The following TTC28 variants were observed in gnomAD, a reference collection of about 807,000 sequenced individuals.
The protein encoded by TTC28 is tetratricopeptide repeat domain 28.
TTC28 carries 61 observed loss-of-function variants against 198.0 expected under a neutral mutation model. The ratio of observed to expected loss-of-function variants is 0.31; its 90% CI spans 0.25 to 0.38. The LOEUF is 0.38. TTC28 is among the 10% of genes least tolerant of loss of function. TTC28 has a pLI of 1.00. For missense variants in TTC28, 2,678 were observed against 3,164.0 expected (o/e 0.85, Z 3.69); for synonymous variants, 1,171 against 1,297.8 (o/e 0.90, Z 2.10).
intron 2 of TTC28, among the ~76,000 whole-genome samples, chr22:28,336,698 T>C (rs1053990087): frequency 6.6e-6 from 1 of 152,192 alleles, no homozygotes; most frequent in African/African-American, 2.4e-5. Context: ...CGCTTTATCA[T>C]TTTTTATTGC....
chr22:28,097,490 C>T (rs1942013035), intron 10 of TTC28, among the ~76,000 whole-genome samples: 1 of 152,188 alleles, frequency 6.6e-6, no homozygotes, highest in South Asian at 2.1e-4. Context: ...CTTTTCCCAT[C>T]TTTTAATCGA....
chr22:28,251,488 A>C (rs1930504555), intron 5 of TTC28, among the ~76,000 whole-genome samples: 1 of 152,210 alleles, frequency 6.6e-6, no homozygotes, highest in Non-Finnish European at 1.5e-5. Context: ...CAGGTTCAGA[A>C]GTACAGCTAC....
chr22:28,025,866 T>A (rs1938810919), intron 13 of TTC28, among the ~76,000 whole-genome samples: 1 of 151,916 alleles, frequency 6.6e-6, no homozygotes, highest in South Asian at 2.1e-4. Context: ...TGTGACTCTG[T>A]CTCTAAACAA....
intron 2 of TTC28, among the ~76,000 whole-genome samples, chr22:28,593,051 G>A (rs1569046399): frequency 6.6e-6 from 1 of 151,876 alleles, no homozygotes; most frequent in Non-Finnish European, 1.5e-5. Context: ...GAAGGTGGCT[G>A]GAGGCAGGGA....
chr22:27,999,559 C>A, intron 15 of TTC28: 1 of 366,124 alleles, frequency 2.7e-6, no homozygotes, highest in Non-Finnish European at 5.0e-6. Context: ...GGCCGTGGAA[C>A]CCAGGACAGC....
chr22:28,587,848 T>C (rs1381822148), intron 2 of TTC28, among the ~76,000 whole-genome samples: 1 of 152,118 alleles, frequency 6.6e-6, no homozygotes, highest in Non-Finnish European at 1.5e-5. Context: ...TATAAAAACA[T>C]GCTGTTATTA....
chr22:28,218,450 T>G (rs1166839854), intron 5 of TTC28, among the ~76,000 whole-genome samples: 1 of 152,204 alleles, frequency 6.6e-6, no homozygotes, highest in Non-Finnish European at 1.5e-5. Flanking sequence ...CAGCAAATAC[T>G]GTTTTCCTTG....
chr22:28,631,540 T>C (rs1459604695), intron 1 of TTC28, among the ~76,000 whole-genome samples: 3 of 152,164 alleles, frequency 2.0e-5, no homozygotes, highest in Non-Finnish European at 2.9e-5. Flanking sequence ...GTGGGTTTTT[T>C]TGAGACAGGG....
intron 2 of TTC28, among the ~76,000 whole-genome samples, chr22:28,430,934 T>A (rs926746438): frequency 7.2e-5 from 11 of 151,858 alleles, no homozygotes; most frequent in Admixed American, 2.6e-4. Flanking sequence ...CCTCTTCTTG[T>A]TGCCTAGAAT....
At chr22:28,591,076 T>G (rs1463091307) in intron 2 of TTC28, among the ~76,000 whole-genome samples, 1 of 114,184 alleles carries the variant, frequency 8.8e-6, no homozygotes, top group African/African-American at 3.1e-5. Flanking sequence ...TATATATATA[T>G]ATATATATAG....
intron 6 of TTC28, among the ~76,000 whole-genome samples, chr22:28,146,797 C>T (rs1389650689): frequency 1.3e-5 from 2 of 152,018 alleles, no homozygotes; most frequent in Non-Finnish European, 2.9e-5. Flanking sequence ...CTCAAGAACA[C>T]AAATCCATTA....
Position 28,475,868 on chromosome 22 carries a change from C to T in TTC28, c.381+153684G>A, listed in dbSNP as rs567240552. Reference sequence around the variant, plus strand: ...ATGGGTTGCCAAGCCCATCCACTCTCGTAAAATACAGTGTTCCTTTCCAAG... The same window carrying T: ...ATGGGTTGCCAAGCCCATCCACTCTTGTAAAATACAGTGTTCCTTTCCAAG... On this transcript the variant is annotated intron_variant, in intron 2 of 22. Coordinates refer to ENST00000397906, the MANE Select transcript of TTC28 (RefSeq NM_001145418.2). 7.9e-5 allele frequency among the ~76,000 whole-genome samples: 12 copies of T among 152,274 alleles called. No individual in the cohort carries two copies. The East Asian group carries it at 2.1e-3, about 27-fold the overall frequency.
chr22:28,670,262 G>A (rs2051858146), intron 1 of TTC28, among the ~76,000 whole-genome samples: 1 of 152,022 alleles, frequency 6.6e-6, no homozygotes, highest in Non-Finnish European at 1.5e-5. Context: ...GATTTATTCA[G>A]AGTTTTGCAA....
At chr22:28,661,889 G>A (rs922165858) in intron 1 of TTC28, among the ~76,000 whole-genome samples, 1 of 151,872 alleles carries the variant, frequency 6.6e-6, no homozygotes, top group East Asian at 1.9e-4. Context: ...TTACAGGCAT[G>A]AGCCACTGCA....
At chr22:28,390,361 A>G (rs963437131) in intron 2 of TTC28, among the ~76,000 whole-genome samples, 21 of 152,188 alleles carry the variant, frequency 1.4e-4, no homozygotes, top group Admixed American at 2.0e-4. Flanking sequence ...TATTAGGTCC[A>G]CTTGGTGCAG....
At chr22:28,652,945 T>C (rs1344196514) in intron 1 of TTC28, among the ~76,000 whole-genome samples, 1 of 152,202 alleles carries the variant, frequency 6.6e-6, no homozygotes, top group Non-Finnish European at 1.5e-5. Flanking sequence ...CTTTATATCA[T>C]TTCCTGTTCT....
At chr22:28,303,713 C>G (rs2045073678) in intron 3 of TTC28, 1 of 152,446 alleles carries the variant, frequency 6.6e-6, no homozygotes, top group South Asian at 2.1e-4. Context: ...ATACAAGCAC[C>G]AGGACCAGTT....
intron 5 of TTC28, among the ~76,000 whole-genome samples, chr22:28,202,691 G>GA (rs1926077820): frequency 6.6e-6 from 1 of 152,122 alleles, no homozygotes; most frequent in South Asian, 2.1e-4. Flanking sequence ...AGAGACCTTA[G>GA]AGGTGCACGC....
intron 11 of TTC28, 53 bp downstream of exon 11, chr22:28,096,136 AC>A: frequency 6.8e-7 from 1 of 1,471,878 alleles, no homozygotes. Flanking sequence ...TATTCATTAG[AC>A]TTTCACAGGT....
Sources: gnomAD v4.1 joint callset for allele counts (sites outside exome capture counted in the v4.1 genomes callset) on GRCh38, gnomAD v4.1.1 for gene constraint, MANE v1.5 for transcripts, NCBI Gene and HGNC (gene_info 2026-07-23, HGNC 2026-07-21) for gene names.